ESR2: variants seen among roughly 807,000 people sequenced by gnomAD.
ESR2 encodes estrogen receptor 2.
ESR2 carries 36 observed loss-of-function variants against 49.6 expected under a neutral mutation model. The observed-to-expected ratio is 0.73, with a 90% CI of 0.56 to 0.96. The LOEUF is 0.96. ESR2 is among the 40% of genes least tolerant of loss of function. The pLI is 0.00. For missense variants in ESR2, 714 were observed against 693.0 expected (o/e 1.03, Z -0.34); for synonymous variants, 320 against 266.1 (o/e 1.20, Z -1.97).
At chr14:64,236,019 G>T (rs2075591278) in intron 7 of ESR2, among the ~76,000 whole-genome samples, 1 of 152,188 alleles carries the variant, frequency 6.6e-6, no homozygotes, top group Non-Finnish European at 1.5e-5. Context: ...ATAAATATGT[G>T]AAATCAACCA....
intron 1 of ESR2, among the ~76,000 whole-genome samples, chr14:64,318,290 A>C (rs966982805): frequency 1.3e-5 from 2 of 152,110 alleles, no homozygotes; most frequent in African/African-American, 4.8e-5. Context: ...TAATCCCAGC[A>C]CTTTGGGAGG....
chr14:64,320,260 A>G (rs1188110671), intron 1 of ESR2, among the ~76,000 whole-genome samples: 2 of 152,156 alleles, frequency 1.3e-5, no homozygotes, highest in Non-Finnish European at 2.9e-5. Flanking sequence ...AAAAGACAAA[A>G]CTACGGAGGT....
At chr14:64,250,673 A>T (rs970151165) in intron 6 of ESR2, among the ~76,000 whole-genome samples, 2 of 152,206 alleles carry the variant, frequency 1.3e-5, no homozygotes, top group Non-Finnish European at 2.9e-5. Flanking sequence ...GCAGCCCCTG[A>T]AGGGGCCTTG....
chr14:64,230,865 T>TTATATATATATATATATATA lies in ESR2; in HGVS notation c.*2252_*2271dup, dbSNP rs10589699. On this transcript the variant is annotated 3_prime_UTR_variant, in exon 9 of 9. Coordinates refer to ENST00000341099, the MANE Select transcript of ESR2 (RefSeq NM_001437.3). ...AAGATCTACTCTCAAAAAAAAAAAA[T>TTATATATATATATATATATA]TATATATATATATATATATATATTT... is the stretch of plus-strand genomic sequence containing the variant. The TTATATATATATATATATATA allele has an allele frequency of 1.6e-5, 2 of 125,626 alleles. No homozygotes were observed. Among genetic ancestry groups the TTATATATATATATATATATA allele is most frequent in the African/African-American group, 6.3e-5 (2 of 31,768 alleles). 7.8% of individuals were successfully genotyped at this position (125,626 alleles called of 1,614,324 possible). A position where few individuals can be genotyped will look rare whatever the true frequency, so the allele number is the denominator to read the frequency against.
At chr14:64,248,555 A>G (rs1053806375) in intron 7 of ESR2, among the ~76,000 whole-genome samples, 1 of 151,750 alleles carries the variant, frequency 6.6e-6, no homozygotes, top group African/African-American at 2.4e-5. Context: ...AATGGTCACC[A>G]AAGTTATGGT....
At chr14:64,233,757 C>G (rs1469002919) in intron 8 of ESR2, 1 of 165,494 alleles carries the variant, frequency 6.0e-6, no homozygotes, top group African/African-American at 2.4e-5. Context: ...ATACCATTGA[C>G]TCATTAACAT....
chr14:64,245,345 C>G (rs1440616305), intron 7 of ESR2, among the ~76,000 whole-genome samples: 1 of 151,700 alleles, frequency 6.6e-6, no homozygotes, highest in Non-Finnish European at 1.5e-5. Flanking sequence ...AACCCCATCT[C>G]TACTAAAAAT....
At position 64,282,696 on chromosome 14, in the gene ESR2, T is replaced by C. The variant is rs199565279; in HGVS notation, c.290A>G (p.His97Arg). The C allele has an allele frequency of 1.4e-5, 22 of 1,614,152 alleles. No homozygotes were observed. Among genetic ancestry groups the C allele is most frequent in the Non-Finnish European group, 1.9e-5 (22 of 1,179,976 alleles). ...ACTCTTTTGAGGTTCCGCATACAGA[T>C]GTGATAACTGGCGATGGACCACTAA... ...SPLVVHRQLSHLYAEPQKSPW... is the reference protein window; with the variant it reads ...SPLVVHRQLSRLYAEPQKSPW... Residue 97 changes from histidine to arginine, a missense_variant, in exon 2 of 9, where the codon CAT becomes CGT. Physicochemically the swap from His to Arg is conservative, Grantham distance 29. Transcript: ENST00000341099.
chr14:64,287,588 T>C (rs1169420184), intron 1 of ESR2, among the ~76,000 whole-genome samples: 2 of 152,186 alleles, frequency 1.3e-5, no homozygotes, highest in Non-Finnish European at 2.9e-5. Context: ...AGGTACTTGG[T>C]AGCCAATGCA....
At chr14:64,258,861 A>AAT (rs964076068) in intron 5 of ESR2, among the ~76,000 whole-genome samples, 7 of 152,186 alleles carry the variant, frequency 4.6e-5, no homozygotes, top group Admixed American at 2.6e-4. Flanking sequence ...ATGATATTTT[A>AAT]ATATATATTT....
At chr14:64,305,259 C>A (rs1404471148) in intron 1 of ESR2, among the ~76,000 whole-genome samples, 2 of 143,228 alleles carry the variant, frequency 1.4e-5, no homozygotes, top group Non-Finnish European at 3.0e-5. Context: ...CCACTGCACT[C>A]CAGCCTGGGC....
intron 6 of ESR2, among the ~76,000 whole-genome samples, chr14:64,254,545 G>T (rs115029663): frequency 6.7e-6 from 1 of 149,550 alleles, no homozygotes; most frequent in Non-Finnish European, 1.5e-5. Context: ...TCAGGACCTC[G>T]AGACCAGCTT....
intron 1 of ESR2, among the ~76,000 whole-genome samples, chr14:64,324,134 C>T (rs903400589): frequency 6.6e-6 from 1 of 152,158 alleles, no homozygotes; most frequent in African/African-American, 2.4e-5. Flanking sequence ...TGCACCGCGC[C>T]GCCTGGTACC....
At chr14:64,269,017 C>T (rs1389559384) in intron 3 of ESR2, 106 bp from the exon 4 acceptor site, 2 of 721,706 alleles carry the variant, frequency 2.8e-6, no homozygotes, top group Non-Finnish European at 4.8e-6. Flanking sequence ...AGATAGGGGA[C>T]ATCTTCTTAA....
intron 3 of ESR2, among the ~76,000 whole-genome samples, chr14:64,273,803 G>A (rs373571137): frequency 1.2e-4 from 18 of 151,976 alleles, no homozygotes; most frequent in South Asian, 6.2e-4. Flanking sequence ...CTGGTCTCAC[G>A]GAATGATTTT....
At chr14:64,319,856 T>C (rs1325565111) in intron 1 of ESR2, among the ~76,000 whole-genome samples, 1 of 152,246 alleles carries the variant, frequency 6.6e-6, no homozygotes, top group African/African-American at 2.4e-5. Context: ...AACAGCCATT[T>C]TGTAAAACAG....
At chr14:64,328,602 A>G (rs1185081944) in intron 1 of ESR2, among the ~76,000 whole-genome samples, 1 of 152,196 alleles carries the variant, frequency 6.6e-6, no homozygotes, top group Non-Finnish European at 1.5e-5. Context: ...TTGTGTTGCT[A>G]TAAGGGAATA....
rs560798634 is a variant in ESR2 at position 64,309,976 on chromosome 14, C to T, written c.-90-26901G>A. On this transcript the variant is annotated intron_variant, in intron 1 of 8. Coordinates refer to the ESR2 transcript ENST00000358599. The stretch of plus-strand genomic sequence containing the variant: ...TGGCGGGCGCCTGTAGTCCCAGCTA[C>T]TCGGGAGGCTGAGACAGGAGAATGG... Among the ~76,000 whole-genome samples, 11 of 152,164 alleles carry T rather than the reference C, an allele frequency of 7.2e-5. 1 individual carries two copies. Among genetic ancestry groups the T allele is most frequent in the African/African-American group, 2.6e-4 (11 of 41,510 alleles).
Position 64,254,869 on chromosome 14 carries a change from A to G in ESR2, c.1091+2357T>C, listed in dbSNP as rs183465894. On this transcript the variant is annotated intron_variant, in intron 6 of 8. Coordinates refer to ENST00000341099, the MANE Select transcript of ESR2 (RefSeq NM_001437.3). ...CCTGCTCAACATGAATGCATTTACAATTCCCAAGAATTCCTCTTCTATACT... is the reference window on the plus strand; with the variant it reads ...CCTGCTCAACATGAATGCATTTACAGTTCCCAAGAATTCCTCTTCTATACT... Among the ~76,000 whole-genome samples the G allele has an allele frequency of 7.0e-3, 1,067 of 152,226 alleles. 5 individuals are homozygous for G. Among genetic ancestry groups the G allele is most frequent in the Non-Finnish European group, 0.012 (788 of 68,014 alleles).
Sources: gnomAD v4.1 joint callset for allele counts (sites outside exome capture counted in the v4.1 genomes callset) on GRCh38, gnomAD v4.1.1 for gene constraint, MANE v1.5 for transcripts, NCBI Gene and HGNC (gene_info 2026-07-23, HGNC 2026-07-21) for gene names.